ZNF480: variants seen among roughly 807,000 people sequenced by gnomAD.
ZNF480 encodes zinc finger protein 480.
A neutral mutation model predicts 14.4 loss-of-function variants in ZNF480; 15 were observed. That is an observed-to-expected ratio of 1.04 (90% confidence interval 0.70 to 1.60). The LOEUF (loss-of-function observed/expected upper bound fraction) is 1.60, where lower values mean the gene tolerates loss of function less well. ZNF480 is among the 40% of genes most tolerant of loss of function. The pLI is 0.00. For missense variants in ZNF480, 593 were observed against 629.7 expected, an observed-to-expected ratio of 0.94 and a Z score of 0.62; for synonymous variants, 218 against 215.5, an observed-to-expected ratio of 1.01 and a Z score of -0.10.
At chr19:52,306,331 C>G (rs1982926992) in intron 2 of ZNF480, among the ~76,000 whole-genome samples, 1 of 152,124 alleles carries the variant, frequency 6.6e-6, no homozygotes, top group Non-Finnish European at 1.5e-5. Flanking sequence ...GGTATTGTTC[C>G]CTGCCTGAAG....
At chr19:52,306,502 G>A (rs1329022537) in intron 2 of ZNF480, among the ~76,000 whole-genome samples, 2 of 152,150 alleles carry the variant, frequency 1.3e-5, no homozygotes, top group African/African-American at 4.8e-5. Flanking sequence ...TGAGCAGCCT[G>A]GATGGAAGCT....
chr19:52,311,765 C>T (rs1159628180), intron 2 of ZNF480, among the ~76,000 whole-genome samples: 1 of 151,902 alleles, frequency 6.6e-6, no homozygotes, highest in Non-Finnish European at 1.5e-5. Flanking sequence ...TGTGAATAAG[C>T]CACCTCCATG....
intron 3 of ZNF480, 127 bp downstream of exon 3, chr19:52,314,406 G>A (rs955798001): frequency 1.0e-5 from 9 of 891,784 alleles, no homozygotes; most frequent in African/African-American, 3.7e-5. Context: ...TTGAACCTGG[G>A]AGGCAGAGGT....
rs201606745 is a variant in ZNF480, at chr19:52,319,823, T to TTG, written c.329-1755_329-1754insGT. Among the ~76,000 whole-genome samples the TTG allele has an allele frequency of 5.8e-3, 631 of 109,500 alleles. 5 individuals carry two copies. The highest frequency in any genetic ancestry group is 0.014 in the South Asian group (41 of 3,006). 71.8% of individuals were successfully genotyped at this position (109,500 alleles called of 152,430 possible). A position where few individuals can be genotyped will look rare whatever the true frequency, so the allele number is the denominator to read the frequency against. Reference sequence around the variant, plus strand: ...TAGCTGATACTGTGTTTTTTTTTTTTTTTTTTTTTTTTAAATTAGAGTCTT... The same window carrying TTG: ...TAGCTGATACTGTGTTTTTTTTTTTTTGTTTTTTTTTTTTAAATTAGAGTCTT... On this transcript the variant is annotated intron_variant, in intron 4 of 4. Transcript: ENST00000595962.
At position 52,322,690 on chromosome 19, in the gene ZNF480, AAGAC is replaced by A. The variant is rs770348399; in HGVS notation, c.1441_1444del (p.Arg481LeufsTer45). The A allele has an allele frequency of 2.1e-5, 34 of 1,613,308 alleles. No homozygotes were observed. The highest frequency in any genetic ancestry group is 2.6e-5 in the Non-Finnish European group (31 of 1,179,672). ...ATCATCAGAGAATCCATACTGGAGA[AAGAC>A]CTTACAAATGTAATGAATGTGGCAA... On this transcript the variant is annotated frameshift_variant, in exon 5 of 5. Coordinates refer to ENST00000595962, the MANE Select transcript of ZNF480 (RefSeq NM_144684.4). LOFTEE classifies it low-confidence loss of function (END_TRUNC).
intron 2 of ZNF480, among the ~76,000 whole-genome samples, chr19:52,305,078 G>C (rs187146308): frequency 6.6e-6 from 1 of 152,198 alleles, no homozygotes; most frequent in East Asian, 1.9e-4. Context: ...CAGCCTAGGG[G>C]ATGGAGCCAG....
chr19:52,314,473 CAAAAAA>C (rs34349660), intron 3 of ZNF480, among the ~76,000 whole-genome samples, 194 bp downstream of exon 3: 15 of 66,212 alleles, frequency 2.3e-4, no homozygotes, highest in Admixed American at 7.7e-4. Context: ...AACTCCGTCC[CAAAAAA>C]AAAAAAAAAA....
chr19:52,304,139 T>C (rs758072724), intron 2 of ZNF480, among the ~76,000 whole-genome samples: 28 of 152,344 alleles, frequency 1.8e-4, no homozygotes, highest in Non-Finnish European at 3.2e-4. Context: ...TTAACATGCC[T>C]TGTGGCAACA....
chr19:52,312,645 G>A (rs549878443), intron 2 of ZNF480, among the ~76,000 whole-genome samples: 2 of 152,188 alleles, frequency 1.3e-5, no homozygotes, highest in African/African-American at 4.8e-5. Context: ...CACCTGGGGC[G>A]AGTTTCTTAG....
At chr19:52,313,768 C>A in intron 2 of ZNF480, 1 of 439,406 alleles carries the variant, frequency 2.3e-6, no homozygotes, top group Non-Finnish European at 4.6e-6. Flanking sequence ...GATGTGTGGA[C>A]AAGAGTTCAA....
intron 2 of ZNF480, among the ~76,000 whole-genome samples, chr19:52,311,142 T>C (rs1202078260): frequency 6.6e-6 from 1 of 151,902 alleles, no homozygotes; most frequent in South Asian, 2.1e-4. Flanking sequence ...ATAAACCCCA[T>C]TGGGCTTTTG....
At chr19:52,309,812 CACAT>C (rs1289666633) in intron 2 of ZNF480, among the ~76,000 whole-genome samples, 60 of 152,084 alleles carry the variant, frequency 3.9e-4, no homozygotes, top group Non-Finnish European at 7.8e-4. Flanking sequence ...AATTTGTGTC[CACAT>C]GGATTCAAAA....
At chr19:52,298,973 T>G (rs1982553110) in intron 1 of ZNF480, among the ~76,000 whole-genome samples, 1 of 152,224 alleles carries the variant, frequency 6.6e-6, no homozygotes, top group Non-Finnish European at 1.5e-5. Context: ...GTGACATTGA[T>G]TTATCTATTT....
intron 2 of ZNF480, among the ~76,000 whole-genome samples, chr19:52,303,028 A>G (rs1353975718): frequency 1.3e-5 from 2 of 152,234 alleles, no homozygotes; most frequent in Non-Finnish European, 2.9e-5. Context: ...TTAGCTGTTC[A>G]TCTGTTGAAA....
chr19:52,303,459 T>C (rs1982788800), intron 2 of ZNF480, among the ~76,000 whole-genome samples: 1 of 152,202 alleles, frequency 6.6e-6, no homozygotes, highest in Admixed American at 6.5e-5. Context: ...CCATGCAGTT[T>C]AACAATTCAA....
chr19:52,325,572 GA>G lies in ZNF480; in HGVS notation c.*2716del, dbSNP rs1220495317. ...GAAAATTTGGTACATATACACCATG[GA>G]ATACTATGCAGCCATAAAAAAGAAC... On this transcript the variant is annotated 3_prime_UTR_variant, in exon 5 of 5. Transcript: ENST00000595962. 5.4e-4 allele frequency: 82 copies of G among 152,292 alleles called. No homozygotes were observed. Among genetic ancestry groups the G allele is most frequent in the Middle Eastern group, 3.4e-3 (1 of 294 alleles). 9.4% of individuals were successfully genotyped at this position (152,292 alleles called of 1,614,324 possible).
chr19:52,315,819 T>G lies in ZNF480; in HGVS notation c.200-15T>G. 1 of 1,601,692 alleles carries G rather than the reference T, an allele frequency of 6.2e-7. No homozygotes were observed. On this transcript the variant is annotated splice_polypyrimidine_tract_variant and intron_variant, in intron 3 of 4. Coordinates refer to ENST00000595962, the MANE Select transcript of ZNF480 (RefSeq NM_144684.4). ...AGATGCTACAGCACATTTTGATTTT[T>G]TTTTTTACAAACAGGAATCTCTCTT...
At position 52,321,936 on chromosome 19, in the gene ZNF480, A is replaced by C. The variant is rs368664881; in HGVS notation, c.686A>C (p.Lys229Thr). Residue 229 changes from lysine to threonine, a missense_variant, in exon 5 of 5, where the codon AAA becomes ACA. By Grantham distance (78) the Lys-to-Thr change is moderately conservative. Coordinates refer to ENST00000595962, the MANE Select transcript of ZNF480 (RefSeq NM_144684.4). ...TKHQVIHTVEKPYKCNSCGKV... is the reference protein window; with the variant it reads ...TKHQVIHTVETPYKCNSCGKV... ...CATCAAGTAATCCATACTGTAGAGA[A>C]ACCTTACAAATGTAATTCATGCGGC... 119 of 1,614,042 alleles carry C rather than the reference A, an allele frequency of 7.4e-5. No individual in the cohort carries two copies. Among genetic ancestry groups the C allele is most frequent in the Non-Finnish European group, 7.7e-5 (91 of 1,180,020 alleles).
At chr19:52,303,102 A>C (rs930414269) in intron 2 of ZNF480, among the ~76,000 whole-genome samples, 1 of 152,234 alleles carries the variant, frequency 6.6e-6, no homozygotes, top group African/African-American at 2.4e-5. Context: ...AATTACATTG[A>C]CAGGCATCTT....
Sources: gnomAD v4.1 joint callset for allele counts (sites outside exome capture counted in the v4.1 genomes callset) on GRCh38, gnomAD v4.1.1 for gene constraint, MANE v1.5 for transcripts, NCBI Gene and HGNC (gene_info 2026-07-23, HGNC 2026-07-21) for gene names.